The following PLA2G6 variants were observed in gnomAD, a reference collection of about 807,000 sequenced individuals.
PLA2G6 encodes 85/88 kDa calcium-independent phospholipase A2.
Under a neutral mutation model 83.8 loss-of-function variants are expected in PLA2G6, and 62 were observed. The ratio of observed to expected loss-of-function variants is 0.74; its 90% confidence interval spans 0.60 to 0.91. The LOEUF is 0.91. Ranked by LOEUF, PLA2G6 falls within the 40% of genes least tolerant of loss-of-function variation. PLA2G6 has a pLI of 0.00. For synonymous variants in PLA2G6, 417 were observed against 449.8 expected (o/e 0.93, Z 0.92); for missense variants, 944 against 1,102.0 (o/e 0.86, Z 2.03).
intron 1 of PLA2G6, among the ~76,000 whole-genome samples, chr22:38,178,896 A>AAC (rs529652798): frequency 2.6e-5 from 4 of 151,994 alleles, no homozygotes; most frequent in African/African-American, 9.7e-5. Context: ...ACCAAAAAAA[A>AAC]CCCCACAAAA....
chr22:38,168,132 C>T (rs907976701), intron 2 of PLA2G6: 1 of 157,692 alleles, frequency 6.3e-6, no homozygotes, highest in Admixed American at 6.5e-5. Flanking sequence ...CCTGTTTGCA[C>T]CGGACCTCCC....
intron 2 of PLA2G6, among the ~76,000 whole-genome samples, chr22:38,160,823 C>T (rs919893443): frequency 1.3e-5 from 2 of 151,470 alleles, no homozygotes; most frequent in South Asian, 2.1e-4. Context: ...CCAACCTGGG[C>T]AACACAGTGA....
At chr22:38,167,581 G>A (rs1384570343) in intron 2 of PLA2G6, among the ~76,000 whole-genome samples, 1 of 152,178 alleles carries the variant, frequency 6.6e-6, no homozygotes, top group Non-Finnish European at 1.5e-5. Context: ...GGTCAGTCCT[G>A]ATCGAGTCCA....
rs2087612609 is a variant in PLA2G6 at position 38,123,020 on chromosome 22, C to A, written c.1591+75G>T. 1.4e-6 allele frequency: 2 copies of A among 1,407,466 alleles called. No individual in the cohort carries two copies. The highest frequency in any genetic ancestry group is 2.8e-5 in the African/African-American group (2 of 70,352). The allele number at this position is 1,407,466 out of a possible 1,614,324, so 87.2% of individuals were successfully genotyped here. On this transcript the variant is annotated intron_variant, in intron 11 of 16. Transcript: ENST00000332509. The surrounding 1 kb of genome is among the most constrained non-coding windows in gnomAD (Gnocchi z 4.1). ...CTCCTCCACTCTCTTTTTGCAAAGC[C>A]CTGAAGACAAACTCGGCCCCTTGAG...
At chr22:38,131,913 G>A (rs989294545) in intron 7 of PLA2G6, 11 of 329,612 alleles carry the variant, frequency 3.3e-5, no homozygotes, top group Middle Eastern at 1.1e-3. Flanking sequence ...ACAGGAGTTC[G>A]AGACCAGCCT....
rs2086888298 is a variant in PLA2G6, at chr22:38,111,887, G to T, written c.*274C>A. On this transcript the variant is annotated 3_prime_UTR_variant, in exon 17 of 17. Transcript: ENST00000332509. ...GGTACCCTTAATGTTTGAGCTGATG[G>T]GGGAGTCAGTTGTCCTTGACAGTCA... 3 of 521,020 alleles carry T rather than the reference G, an allele frequency of 5.8e-6. No individual in the cohort carries two copies. Among genetic ancestry groups the T allele is most frequent in the South Asian group, 4.0e-5 (2 of 49,616 alleles). The allele number at this position is 521,020 out of a possible 1,614,324, so 32.3% of individuals were successfully genotyped here. A position where few individuals can be genotyped will look rare whatever the true frequency, so the allele number is the denominator to read the frequency against.
chr22:38,116,134 G>A lies in PLA2G6; in HGVS notation c.1820C>T (p.Thr607Ile). Residue 607 changes from threonine to isoleucine, a missense_variant, in exon 13 of 17, where the codon ACT becomes ATT. Physicochemically the swap from Thr to Ile is moderately conservative, Grantham distance 89 (BLOSUM62 -1). Coordinates refer to ENST00000332509, the MANE Select transcript of PLA2G6 (RefSeq NM_003560.4). ...CTGGTTGAAACGAGGCTCCCGGACA[G>A]TTTCTGGAGCATCGTAGTTCCGGAA... Reference protein sequence around the residue: ...HLFRNYDAPETVREPRFNQNV... With the variant: ...HLFRNYDAPEIVREPRFNQNV... 6.2e-7 allele frequency: 1 copy of A among 1,613,924 alleles called. No individual in the cohort carries two copies. The highest frequency in any genetic ancestry group is 8.5e-7 in the Non-Finnish European group (1 of 1,179,842).
At chr22:38,135,290 T>C in intron 5 of PLA2G6, 2 of 579,240 alleles carry the variant, frequency 3.5e-6, no homozygotes, top group Non-Finnish European at 6.3e-6. Context: ...GAAGCCTTCC[T>C]GATGCTGCCA....
At position 38,145,541 on chromosome 22, in the gene PLA2G6, G is replaced by A. The variant is rs749832213; in HGVS notation, c.322C>T (p.Gln108Ter). ...TTACGGATGAGGTCGGTCAGGTGCT[G>A]CAGGACCTCAGTGTGCAGGACCTGA... ...SPQVLHTEVLQHLTDLIRNHP... is the reference protein window; with the variant it reads ...SPQVLHTEVL Residue 108 changes from glutamine (Q) to a stop codon, truncating the protein, a stop_gained, in exon 3 of 17, where the codon CAG becomes TAG. Coordinates refer to ENST00000332509, the MANE Select transcript of PLA2G6 (RefSeq NM_003560.4). LOFTEE classifies it high-confidence loss of function. 1.2e-6 allele frequency: 2 copies of A among 1,613,696 alleles called. No individual in the cohort carries two copies. Among genetic ancestry groups the A allele is most frequent in the Non-Finnish European group, 1.7e-6 (2 of 1,179,854 alleles).
At chr22:38,179,400 T>G (rs1468987928) in intron 1 of PLA2G6, among the ~76,000 whole-genome samples, 4 of 152,144 alleles carry the variant, frequency 2.6e-5, no homozygotes, top group Admixed American at 1.3e-4. Flanking sequence ...TCCTATGTCC[T>G]AAGATGAGAA....
chr22:38,136,030 G>C (rs1049428751), intron 5 of PLA2G6: 2 of 152,244 alleles, frequency 1.3e-5, no homozygotes, highest in African/African-American at 4.8e-5. Flanking sequence ...CAACATGGAT[G>C]AGCCTTGAAG....
chr22:38,166,868 C>T (rs1356820692), intron 2 of PLA2G6, among the ~76,000 whole-genome samples: 1 of 152,206 alleles, frequency 6.6e-6, no homozygotes, highest in Non-Finnish European at 1.5e-5. Context: ...CATCCCAAGG[C>T]TATTTTCTCA....
intron 7 of PLA2G6, chr22:38,131,568 C>A (rs1304578767): frequency 3.3e-5 from 5 of 152,386 alleles, no homozygotes; most frequent in African/African-American, 9.7e-5. Context: ...TGAGTTAGAT[C>A]ATTCCAAGGG....
At chr22:38,165,547 C>T (rs1189518349) in intron 2 of PLA2G6, among the ~76,000 whole-genome samples, 2 of 152,190 alleles carry the variant, frequency 1.3e-5, no homozygotes, top group African/African-American at 2.4e-5. Context: ...ACACTGGGCC[C>T]TTTTAAGTCA....
chr22:38,145,709 C>T (rs1213146207), intron 2 of PLA2G6, 56 bp from the exon 3 acceptor site: 1 of 1,250,564 alleles, frequency 8.0e-7, no homozygotes, highest in Non-Finnish European at 1.1e-6. Context: ...GGACCCTCGG[C>T]CCACATCCCT....
At chr22:38,144,399 G>C (rs1364672137) in intron 3 of PLA2G6, 1 of 152,470 alleles carries the variant, frequency 6.6e-6, no homozygotes, top group Non-Finnish European at 1.5e-5. Context: ...GGAGGCCAAG[G>C]AGGGCAGATC....
At chr22:38,115,777 G>A in intron 13 of PLA2G6, 96 bp from the exon 14 acceptor site, 3 of 1,501,866 alleles carry the variant, frequency 2.0e-6, no homozygotes, top group Non-Finnish European at 2.7e-6. Context: ...GGGGCTGGGG[G>A]TGCGGGAAGA....
At chr22:38,120,648 A>AAGCGTGGGGCGCTCTTCCCCCTCC (rs2087469935) in intron 12 of PLA2G6, 111 bp downstream of exon 12, 1 of 1,339,800 alleles carries the variant, frequency 7.5e-7, no homozygotes, top group African/African-American at 1.4e-5. Flanking sequence ...TGCTCCCCTC[A>AAGCGTGGGGCGCTCTTCCCCCTCC]AGCGTGGGGC....
At chr22:38,140,649 G>A (rs986120668) in intron 4 of PLA2G6, 1 of 190,116 alleles carries the variant, frequency 5.3e-6, no homozygotes, top group African/African-American at 2.4e-5. Flanking sequence ...ATCTCAGGAT[G>A]GGCACTGGGG....
Sources: allele counts gnomAD v4.1 joint callset (sites outside exome capture counted in the v4.1 genomes callset), GRCh38; gene constraint gnomAD v4.1.1; non-coding constraint Gnocchi (gnomAD v3.1); transcripts MANE v1.5; gene names NCBI Gene and HGNC (gene_info 2026-07-23, HGNC 2026-07-21).